The following NF2 variants were observed in gnomAD, a reference collection of about 807,000 sequenced individuals.
NF2 encodes the protein merlin.
Under a neutral mutation model 83.7 loss-of-function variants are expected in NF2, and 8 were observed. That is an observed-to-expected ratio of 0.10 (90% CI 0.06 to 0.17). The LOEUF is 0.17. NF2 is among the 10% of genes least tolerant of loss of function. The probability of loss-of-function intolerance (pLI) is 1.00; values close to 1 mark genes in which losing one functional copy is unlikely to be tolerated. For synonymous variants in NF2, 266 were observed against 269.6 expected (o/e 0.99, Z 0.13); for missense variants, 533 against 744.4 (o/e 0.72, Z 3.31).
At chr22:29,625,095 AT>A (rs1170655693) in intron 1 of NF2, among the ~76,000 whole-genome samples, 1 of 151,060 alleles carries the variant, frequency 6.6e-6, no homozygotes, top group Non-Finnish European at 1.5e-5. Flanking sequence ...TGCGCCACTA[AT>A]TTTTGTATTT....
intron 15 of NF2, among the ~76,000 whole-genome samples, chr22:29,692,358 G>A (rs1276182277): frequency 1.3e-5 from 2 of 152,158 alleles, no homozygotes; most frequent in Admixed American, 6.5e-5. Flanking sequence ...TGGGGCTGAG[G>A]CGCTGCAGTG....
chr22:29,683,798 G>A, intron 15 of NF2: 2 of 1,062,306 alleles, frequency 1.9e-6, no homozygotes, highest in Non-Finnish European at 2.3e-6. Flanking sequence ...ACTGGTTGCT[G>A]AGTGAATTAA....
chr22:29,682,885 T>A, intron 15 of NF2: 1 of 1,048,846 alleles, frequency 9.5e-7, no homozygotes, highest in Non-Finnish European at 1.5e-6. Context: ...GAGACCCCGT[T>A]CCAAGCCATT....
At chr22:29,633,673 C>T (rs941362859) in intron 1 of NF2, among the ~76,000 whole-genome samples, 3 of 152,204 alleles carry the variant, frequency 2.0e-5, no homozygotes, top group East Asian at 1.9e-4. Context: ...GCCCCATTCC[C>T]GCCATGCCAC....
intron 1 of NF2, among the ~76,000 whole-genome samples, chr22:29,626,934 G>A (rs74690295): frequency 0.069 from 10,447 of 152,204 alleles, 363 homozygotes; most frequent in African/African-American, 0.079. Context: ...CATGCTAGGT[G>A]ATAAGAACTT....
chr22:29,622,162 A>G (rs994953422), intron 1 of NF2, among the ~76,000 whole-genome samples: 4 of 152,200 alleles, frequency 2.6e-5, no homozygotes, highest in East Asian at 1.9e-4. Context: ...CTTAACAACT[A>G]TTTGCCTATG....
rs751474583 is a variant in NF2, at chr22:29,694,812, C to T, written c.*10C>T. 17 of 1,611,034 alleles carry T rather than the reference C, an allele frequency of 1.1e-5. No homozygotes were observed. Among genetic ancestry groups the T allele is most frequent in the African/African-American group, 1.3e-5 (1 of 74,824 alleles). ...CTTTGAAGAGCTCTAGCAGGTGACC[C>T]AGCCACCCCAGGACCTGCCACTTCT... On this transcript the variant is annotated 3_prime_UTR_variant, in exon 16 of 16. Coordinates refer to ENST00000338641, the MANE Select transcript of NF2 (RefSeq NM_000268.4). The surrounding 1 kb of genome is among the most constrained non-coding windows in gnomAD (Gnocchi z 4.1).
intron 1 of NF2, among the ~76,000 whole-genome samples, chr22:29,623,141 C>G (rs561955125): frequency 1.3e-5 from 2 of 151,268 alleles, no homozygotes; most frequent in African/African-American, 4.9e-5. Flanking sequence ...AATGGGATCC[C>G]GCTATGTTGC....
chr22:29,661,377 C>A (rs2066473148), intron 8 of NF2, 38 bp downstream of exon 8: 1 of 1,611,000 alleles, frequency 6.2e-7, no homozygotes, highest in African/African-American at 1.3e-5. Flanking sequence ...TCCAGCAGAT[C>A]TTTCCCTGTC....
Position 29,640,963 on chromosome 22 carries a change from G to A in NF2, c.364-1239G>A, listed in dbSNP as rs1418203096. On this transcript the variant is annotated intron_variant, in intron 3 of 15. Coordinates refer to ENST00000338641, the MANE Select transcript of NF2 (RefSeq NM_000268.4). Reference sequence around the variant, plus strand: ...ACCCTGACCAACATGGAGAAACCCCGTCCCTACTAAAAATACAAAATTAGC... The same window carrying A: ...ACCCTGACCAACATGGAGAAACCCCATCCCTACTAAAAATACAAAATTAGC... 5.3e-5 allele frequency among the ~76,000 whole-genome samples: 8 copies of A among 151,966 alleles called. No homozygotes were observed. In the South Asian group the frequency reaches 6.2e-4, roughly 12 times the overall value.
chr22:29,615,019 A>G (rs2065048320), intron 1 of NF2, among the ~76,000 whole-genome samples: 4 of 152,128 alleles, frequency 2.6e-5, no homozygotes, highest in Admixed American at 2.6e-4. Flanking sequence ...CCCCATCTCT[A>G]CTAAAAATAC....
At chr22:29,652,148 C>T (rs1044956526) in intron 4 of NF2, among the ~76,000 whole-genome samples, 6 of 152,116 alleles carry the variant, frequency 3.9e-5, no homozygotes, top group African/African-American at 7.2e-5. Context: ...ATGCCTTACT[C>T]AAGGCCTCAG....
chr22:29,669,932 A>C (rs1185018943), intron 10 of NF2, among the ~76,000 whole-genome samples: 1 of 152,160 alleles, frequency 6.6e-6, no homozygotes, highest in Non-Finnish European at 1.5e-5. Context: ...TCTTTTGTGA[A>C]TAGGAGGTCT....
At chr22:29,635,150 G>T (rs966825084) in intron 1 of NF2, among the ~76,000 whole-genome samples, 4 of 152,144 alleles carry the variant, frequency 2.6e-5, no homozygotes, top group Non-Finnish European at 4.4e-5. Context: ...ACAGAGAAGG[G>T]ATGGGCTTTC....
rs117296787 is a variant in NF2, at chr22:29,666,463, G to T, written c.885+1399G>T. The stretch of plus-strand genomic sequence containing the variant: ...CACTTCTATACTGTTTTAACAGGCT[G>T]TTATGAAAACTTTTGTATCTGCCTC... On this transcript the variant is annotated intron_variant, in intron 9 of 15. Coordinates refer to ENST00000338641, the MANE Select transcript of NF2 (RefSeq NM_000268.4). Among the ~76,000 whole-genome samples the T allele has an allele frequency of 1.9e-3, 286 of 152,058 alleles. 9 individuals are homozygous for T. In the East Asian group the frequency reaches 0.043, roughly 23 times the overall value.
intron 3 of NF2, among the ~76,000 whole-genome samples, chr22:29,639,620 C>T (rs1386734985): frequency 6.6e-6 from 1 of 152,148 alleles, no homozygotes; most frequent in Non-Finnish European, 1.5e-5. Context: ...CATGGTGGCT[C>T]AGGCCTGTAA....
intron 1 of NF2, among the ~76,000 whole-genome samples, chr22:29,617,045 C>T (rs1003320635): frequency 1.3e-5 from 2 of 152,116 alleles, no homozygotes; most frequent in African/African-American, 2.4e-5. Context: ...TCTTCTGCCT[C>T]AGCCTCCCAA....
At chr22:29,676,843 G>A (rs1012371449) in intron 13 of NF2, among the ~76,000 whole-genome samples, 8 of 148,080 alleles carry the variant, frequency 5.4e-5, no homozygotes, top group South Asian at 2.2e-4. Context: ...ACTAGTACGC[G>A]TTTTTGCTGA....
At chr22:29,643,876 G>A (rs13054121) in intron 4 of NF2, among the ~76,000 whole-genome samples, 1 of 151,958 alleles carries the variant, frequency 6.6e-6, no homozygotes, top group Non-Finnish European at 1.5e-5. Context: ...GCCGGGCAGA[G>A]GCGCCCCTCA....
Sources: gnomAD v4.1 joint callset for allele counts (sites outside exome capture counted in the v4.1 genomes callset) on GRCh38, gnomAD v4.1.1 for gene constraint, Gnocchi (gnomAD v3.1) non-coding constraint, MANE v1.5 for transcripts, NCBI Gene and HGNC (gene_info 2026-07-23, HGNC 2026-07-21) for gene names.